Variants in SCHIP1 observed in about 807,000 individuals in gnomAD.
SCHIP1 encodes schwannomin-interacting protein 1.
SCHIP1 carries 8 observed loss-of-function variants against 29.7 expected under a neutral mutation model. The observed-to-expected ratio is 0.27, with a 90% CI of 0.16 to 0.49. SCHIP1 has a LOEUF of 0.49. SCHIP1 is among the 20% of genes least tolerant of loss of function. The pLI is 0.99. For synonymous variants in SCHIP1, 76 were observed against 94.9 expected (o/e 0.80, Z 1.16); for missense variants, 193 against 294.6 (o/e 0.66, Z 2.52).
chr3:159,607,329 A>AT, the SCHIP1 span, among the ~76,000 whole-genome samples: 69 of 151,514 alleles, frequency 4.6e-4, no homozygotes, highest in African/African-American at 8.5e-4. Context: ...ATCTGGCAGA[A>AT]TTTTTTTTTG....
At chr3:159,766,535 T>G in the SCHIP1 span, among the ~76,000 whole-genome samples, 1 of 152,192 alleles carries the variant, frequency 6.6e-6, no homozygotes, top group Non-Finnish European at 1.5e-5. Context: ...AAATACCTCA[T>G]TAATACCTGG....
chr3:159,878,635 G>A (rs1289658009), intron 2 of SCHIP1, among the ~76,000 whole-genome samples: 29 of 149,624 alleles, frequency 1.9e-4, no homozygotes, highest in South Asian at 6.3e-4. Context: ...AAAATTAGCC[G>A]GGCGTAGTGG....
At chr3:159,592,930 G>A in the SCHIP1 span, among the ~76,000 whole-genome samples, 1 of 152,092 alleles carries the variant, frequency 6.6e-6, no homozygotes. Context: ...AATAAAAACA[G>A]ATGACACAAA....
At chr3:159,283,016 G>A in the SCHIP1 span, among the ~76,000 whole-genome samples, 1 of 151,886 alleles carries the variant, frequency 6.6e-6, no homozygotes, top group Non-Finnish European at 1.5e-5. Flanking sequence ...ACTAATATAA[G>A]AACTGATACC....
the SCHIP1 span, among the ~76,000 whole-genome samples, chr3:159,424,103 C>G: frequency 6.7e-6 from 1 of 148,160 alleles, no homozygotes; most frequent in Non-Finnish European, 1.5e-5. Flanking sequence ...AAAAACAGAG[C>G]AGAAAAACTG....
chr3:159,884,534 T>G (rs1360099034), intron 2 of SCHIP1, among the ~76,000 whole-genome samples: 1 of 152,164 alleles, frequency 6.6e-6, no homozygotes, highest in Non-Finnish European at 1.5e-5. Context: ...ACAAGCAGTA[T>G]TAGAGTAAGT....
chr3:159,585,998 G>T, the SCHIP1 span, among the ~76,000 whole-genome samples: 1 of 152,118 alleles, frequency 6.6e-6, no homozygotes, highest in Non-Finnish European at 1.5e-5. Context: ...GGAGAAGAAT[G>T]TAAGTTTCAG....
the SCHIP1 span, among the ~76,000 whole-genome samples, chr3:159,807,666 T>C: frequency 6.6e-6 from 1 of 152,110 alleles, no homozygotes; most frequent in African/African-American, 2.4e-5. Flanking sequence ...TTGGGAAAAA[T>C]TCTCAGCATG....
the SCHIP1 span, among the ~76,000 whole-genome samples, chr3:159,581,706 T>G: frequency 2.8e-4 from 43 of 152,204 alleles, no homozygotes; most frequent in South Asian, 1.7e-3. Context: ...AAAAGGAAAG[T>G]AAAGTCTACC....
chr3:159,783,574 A>G, the SCHIP1 span, among the ~76,000 whole-genome samples: 1 of 152,244 alleles, frequency 6.6e-6, no homozygotes, highest in Non-Finnish European at 1.5e-5. Context: ...AAATATTTTT[A>G]TGCTGCAAGG....
At chr3:159,569,079 A>G in the SCHIP1 span, among the ~76,000 whole-genome samples, 1 of 151,946 alleles carries the variant, frequency 6.6e-6, no homozygotes, top group Non-Finnish European at 1.5e-5. Context: ...ATTGTTTTGC[A>G]TTTTTTCCTT....
the SCHIP1 span, among the ~76,000 whole-genome samples, chr3:159,397,364 G>A: frequency 6.6e-6 from 1 of 152,180 alleles, no homozygotes; most frequent in South Asian, 2.1e-4. Flanking sequence ...TTGCTGGTGA[G>A]GAACTGCATT....
At chr3:159,708,890 A>G in the SCHIP1 span, among the ~76,000 whole-genome samples, 1 of 152,100 alleles carries the variant, frequency 6.6e-6, no homozygotes, top group Non-Finnish European at 1.5e-5. Flanking sequence ...TGGAGTGGGG[A>G]GGTGCACAGG....
At chr3:159,517,965 T>C in the SCHIP1 span, among the ~76,000 whole-genome samples, 674 of 152,174 alleles carry the variant, frequency 4.4e-3, 7 homozygotes, top group African/African-American at 0.016. Flanking sequence ...TTATTGATAA[T>C]AACACAAAAG....
the SCHIP1 span, among the ~76,000 whole-genome samples, chr3:159,762,269 C>T: frequency 6.6e-6 from 1 of 152,168 alleles, no homozygotes; most frequent in Non-Finnish European, 1.5e-5. Context: ...CCGGAAGGCC[C>T]CTTTTCCAGT....
At chr3:159,414,596 G>C in the SCHIP1 span, among the ~76,000 whole-genome samples, 1 of 152,082 alleles carries the variant, frequency 6.6e-6, no homozygotes, top group Admixed American at 6.6e-5. Context: ...ACATATAGAA[G>C]TGCTCCTGAT....
chr3:159,589,869 T>C, the SCHIP1 span, among the ~76,000 whole-genome samples: 1 of 152,218 alleles, frequency 6.6e-6, no homozygotes, highest in South Asian at 2.1e-4. Context: ...CCAAAAAACC[T>C]TCAAGTATGT....
chr3:159,528,004 G>T, the SCHIP1 span, among the ~76,000 whole-genome samples: 3 of 152,114 alleles, frequency 2.0e-5, no homozygotes, highest in Non-Finnish European at 4.4e-5. Flanking sequence ...CCAAAAAAAT[G>T]GTTTCCAAGT....
the SCHIP1 span, among the ~76,000 whole-genome samples, chr3:159,641,537 T>C: frequency 1.3e-5 from 2 of 152,176 alleles, no homozygotes; most frequent in African/African-American, 4.8e-5. Context: ...TATTTTCAAA[T>C]GTTCATTTGA....
Sources: allele counts gnomAD v4.1 joint callset (sites outside exome capture counted in the v4.1 genomes callset), GRCh38; gene constraint gnomAD v4.1.1; transcripts MANE v1.5; gene names NCBI Gene and HGNC (gene_info 2026-07-23, HGNC 2026-07-21).